The following DNAH9 variants were observed in gnomAD, a reference collection of about 807,000 sequenced individuals.
DNAH9 encodes DNAH9 variant protein.
DNAH9 carries 345 observed loss-of-function variants against 471.6 expected under a neutral mutation model. That is an observed-to-expected ratio of 0.73 (90% CI 0.67 to 0.80). DNAH9 has a LOEUF of 0.80. Ranked by LOEUF, DNAH9 falls within the 30% of genes least tolerant of loss-of-function variation. DNAH9 has a pLI of 0.00. For missense variants in DNAH9, 5,407 were observed against 5,609.2 expected (o/e 0.96, Z 1.15); for synonymous variants, 2,093 against 2,123.6 (o/e 0.99, Z 0.40).
chr17:11,822,953 G>A lies in DNAH9; in HGVS notation c.9165G>A (p.Leu3055=). The change falls in exon 48 of 69, where the codon TTG becomes TTA. Residue 3055 remains leucine (L), a synonymous_variant. Coordinates refer to ENST00000262442, the MANE Select transcript of DNAH9 (RefSeq NM_001372.4). ...LEFIRLYQSL[L]HRHRKELKCK... ...TCATCAGACTCTACCAGAGCTTGTTGCACAGGCACAGAAAAGAGCTCAAGT... is the reference window on the plus strand; with the variant it reads ...TCATCAGACTCTACCAGAGCTTGTTACACAGGCACAGAAAAGAGCTCAAGT... 3 of 1,614,194 alleles carry A rather than the reference G, an allele frequency of 1.9e-6. No homozygotes were observed. The highest frequency in any genetic ancestry group is 2.5e-6 in the Non-Finnish European group (3 of 1,180,036).
At chr17:11,599,150 G>A (rs542396845) in intron 1 of DNAH9, among the ~76,000 whole-genome samples, 33 of 152,208 alleles carry the variant, frequency 2.2e-4, no homozygotes, top group African/African-American at 7.7e-4. Context: ...GGTCCGGAGG[G>A]AGGGATCTGG....
intron 9 of DNAH9, 68 bp downstream of exon 9, chr17:11,636,852 G>A: frequency 7.1e-7 from 1 of 1,402,138 alleles, no homozygotes; most frequent in Non-Finnish European, 1.0e-6. Flanking sequence ...CATTCCTCTT[G>A]TATTTGTTAA....
intron 33 of DNAH9, among the ~76,000 whole-genome samples, chr17:11,754,265 G>A (rs2150854919): frequency 6.6e-6 from 1 of 152,186 alleles, no homozygotes. Flanking sequence ...CTTTGCCATT[G>A]TGAAGAGTGT....
At chr17:11,843,863 G>GTGTGTGTGTGTATATATATATA (rs1253794533) in intron 49 of DNAH9, among the ~76,000 whole-genome samples, 1,252 of 46,334 alleles carry the variant, frequency 0.027, 57 homozygotes, top group Middle Eastern at 0.059. Flanking sequence ...GTGTGTGTGT[G>GTGTGTGTGTGTATATATATATA]TATATATATA....
At chr17:11,774,532 G>T (rs1334884666) in intron 38 of DNAH9, among the ~76,000 whole-genome samples, 1 of 152,038 alleles carries the variant, frequency 6.6e-6, no homozygotes, top group Non-Finnish European at 1.5e-5. Flanking sequence ...GTGTGTGGGG[G>T]AACTGCCATT....
chr17:11,703,744 A>T (rs958927711), intron 24 of DNAH9, among the ~76,000 whole-genome samples: 5 of 152,238 alleles, frequency 3.3e-5, no homozygotes, highest in African/African-American at 9.6e-5. Context: ...AGTATGGTAG[A>T]AGAGCAAATG....
In DNAH9 at chr17:11,869,326, T is replaced by C. The variant is rs569858060; in HGVS notation, c.10053+73T>C. ...TGTCAAATGCCGTGGAGGTGCAAGA[T>C]AGATGAGCACAGCACAGCAGCGCTT... On this transcript the variant is annotated intron_variant, in intron 51 of 68. Coordinates refer to ENST00000262442, the MANE Select transcript of DNAH9 (RefSeq NM_001372.4). 2.5e-6 allele frequency: 4 copies of C among 1,583,502 alleles called. No homozygotes were observed. In the Admixed American group the frequency reaches 5.1e-5, roughly 20 times the overall value.
intron 38 of DNAH9, among the ~76,000 whole-genome samples, chr17:11,774,884 A>G (rs1007992934): frequency 2.6e-5 from 4 of 152,206 alleles, no homozygotes; most frequent in Admixed American, 2.0e-4. Context: ...TCGACATACA[A>G]TAAACTGTAC....
intron 43 of DNAH9, among the ~76,000 whole-genome samples, chr17:11,803,811 C>A (rs772260030): frequency 2.6e-5 from 4 of 152,320 alleles, no homozygotes; most frequent in Non-Finnish European, 5.9e-5. Flanking sequence ...ACTCCAACTC[C>A]TCTGACTCCT....
At chr17:11,668,940 G>C (rs570774782) in intron 15 of DNAH9, 124 bp from the exon 16 acceptor site, 1 of 690,548 alleles carries the variant, frequency 1.4e-6, no homozygotes, top group Non-Finnish European at 2.4e-6. Flanking sequence ...TTACATTTCC[G>C]TTTCCCTACA....
In DNAH9 at chr17:11,902,848, A is replaced by T. The variant is rs1391113393; in HGVS notation, c.11536A>T (p.Thr3846Ser). The change falls in exon 60 of 69, where the codon ACA (threonine) becomes TCA (serine). Residue 3846 changes from threonine to serine, a missense_variant. By Grantham distance (58) the Thr-to-Ser change is moderately conservative. Coordinates refer to ENST00000262442, the MANE Select transcript of DNAH9 (RefSeq NM_001372.4). ...GCTCCCACAGGAGTGGAAGAACAAG[A>T]CAGCCCTGCAGCGCCTCTGCATGCT... is the stretch of plus-strand genomic sequence containing the variant. Reference protein sequence around the residue: ...EKLPQEWKNKTALQRLCMLRA... With the variant: ...EKLPQEWKNKSALQRLCMLRA... 6.2e-7 allele frequency: 1 copy of T among 1,613,976 alleles called. No individual in the cohort carries two copies. The highest frequency in any genetic ancestry group is 2.2e-5 in the East Asian group (1 of 44,878).
At position 11,892,326 on chromosome 17, in the gene DNAH9, C is replaced by T. The variant is rs1973078359; in HGVS notation, c.11283+379C>T. The stretch of plus-strand genomic sequence containing the variant: ...GTAAGAAATTTGGTAGAGTATCCAT[C>T]ATTGTTTATTTACCTTTAGACTGCA... On this transcript the variant is annotated intron_variant, in intron 58 of 68. Coordinates refer to ENST00000262442, the MANE Select transcript of DNAH9 (RefSeq NM_001372.4). The surrounding 1 kb of genome is among the most constrained non-coding windows in gnomAD (Gnocchi z 4.3). Among the ~76,000 whole-genome samples the T allele has an allele frequency of 6.6e-6, 1 of 152,122 alleles. No homozygotes were observed. Among genetic ancestry groups the T allele is most frequent in the Non-Finnish European group, 1.5e-5 (1 of 68,030 alleles).
At chr17:11,874,288 A>G (rs1199123037) in intron 52 of DNAH9, among the ~76,000 whole-genome samples, 1 of 151,666 alleles carries the variant, frequency 6.6e-6, no homozygotes, top group Non-Finnish European at 1.5e-5. Context: ...AAGGCTAACA[A>G]AGAAGAAAAG....
rs200659813 is a variant in DNAH9, at chr17:11,693,994, G to A, written c.4741G>A (p.Gly1581Ser). The A allele has an allele frequency of 6.1e-5, 98 of 1,613,870 alleles. No homozygotes were observed. The East Asian group carries it at 2.1e-3, about 35-fold the overall frequency. The stretch of plus-strand genomic sequence containing the variant: ...GTATGAAAAGCTGGAGGATATTCAG[G>A]GCAGGTGAGGGTCCGCCCATTACCC... Reference protein sequence around the residue: ...GLYEKLEDIQGRLCLCEKALA... With the variant: ...GLYEKLEDIQSRLCLCEKALA... Residue 1581 changes from glycine to serine, a missense_variant, in exon 21 of 69, where the codon GGC (glycine) becomes AGC (serine). Transcript: ENST00000262442.
intron 17 of DNAH9, among the ~76,000 whole-genome samples, chr17:11,675,500 G>A (rs1252107928): frequency 3.9e-5 from 6 of 152,052 alleles, no homozygotes; most frequent in African/African-American, 9.7e-5. Context: ...GATAACATAC[G>A]TCTTTGTCTT....
At chr17:11,742,498 T>C (rs2075447400) in intron 30 of DNAH9, among the ~76,000 whole-genome samples, 185 bp downstream of exon 30, 1 of 152,244 alleles carries the variant, frequency 6.6e-6, no homozygotes, top group Non-Finnish European at 1.5e-5. Context: ...TTTTTAGCTC[T>C]GCATTTTTCA....
In DNAH9 at chr17:11,962,111, C is replaced by T. The variant is rs374943314; in HGVS notation, c.13088C>T (p.Thr4363Met). 16 of 1,614,022 alleles carry T rather than the reference C, an allele frequency of 9.9e-6. No homozygotes were observed. Among genetic ancestry groups the T allele is most frequent in the Admixed American group, 1.7e-5 (1 of 60,002 alleles). The change falls in exon 68 of 69, where the codon ACG (threonine) becomes ATG (methionine). Residue 4363 changes from threonine to methionine, a missense_variant. Coordinates refer to ENST00000262442, the MANE Select transcript of DNAH9 (RefSeq NM_001372.4). This position sits in a 1 kb window ranked among gnomAD's most constrained non-coding sequence, Gnocchi z 4.1. ...QSFLTAIMQSTARKNEWPLDQ... is the reference protein window; with the variant it reads ...QSFLTAIMQSMARKNEWPLDQ... ...TTCCTGACTGCCATCATGCAGTCCACGGCTCGCAAGAATGAGTGGCCACTG... is the reference window on the plus strand; with the variant it reads ...TTCCTGACTGCCATCATGCAGTCCATGGCTCGCAAGAATGAGTGGCCACTG...
chr17:11,873,815 G>A (rs913664365), intron 52 of DNAH9, among the ~76,000 whole-genome samples: 5 of 152,032 alleles, frequency 3.3e-5, no homozygotes, highest in African/African-American at 9.7e-5. Context: ...GGGTAGAGCC[G>A]ATGGCTGCAT....
intron 1 of DNAH9, among the ~76,000 whole-genome samples, chr17:11,605,672 C>CTTTTTTTTTTTTTTTT (rs1597382017): frequency 9.8e-6 from 1 of 101,678 alleles, no homozygotes; most frequent in African/African-American, 3.5e-5. Context: ...GGCAATTTTT[C>CTTTTTTTTTTTTTTTT]TATTTTTTTT....
Sources: gnomAD v4.1 joint callset for allele counts (sites outside exome capture counted in the v4.1 genomes callset) on GRCh38, gnomAD v4.1.1 for gene constraint, Gnocchi (gnomAD v3.1) non-coding constraint, MANE v1.5 for transcripts, NCBI Gene and HGNC (gene_info 2026-07-23, HGNC 2026-07-21) for gene names.